CSMD1: variants seen among roughly 807,000 people sequenced by gnomAD.
The protein encoded by CSMD1 is CUB and Sushi multiple domains 1.
CSMD1 carries 213 observed loss-of-function variants against 417.5 expected under a neutral mutation model. The ratio of observed to expected loss-of-function variants is 0.51; its 90% CI spans 0.46 to 0.57. The LOEUF is 0.57. CSMD1 is among the 20% of genes least tolerant of loss of function. The pLI is 0.00. For missense variants in CSMD1, 6,923 were observed against 4,529.7 expected, an observed-to-expected ratio of 1.53 and a Z score of -15.17; for synonymous variants, 2,862 against 1,736.8, an observed-to-expected ratio of 1.65 and a Z score of -16.11.
At chr8:4,970,088 TA>T (rs1810144282) in intron 1 of CSMD1, among the ~76,000 whole-genome samples, 1 of 152,098 alleles carries the variant, frequency 6.6e-6, no homozygotes, top group African/African-American at 2.4e-5. Context: ...CAGTTTCACA[TA>T]AAAATAATAT....
At chr8:4,491,414 C>T (rs775744676) in intron 2 of CSMD1, among the ~76,000 whole-genome samples, 26 of 152,062 alleles carry the variant, frequency 1.7e-4, no homozygotes, top group Non-Finnish European at 2.5e-4. Context: ...GTTAACCTTA[C>T]GCCCTAGCTG....
intron 6 of CSMD1, among the ~76,000 whole-genome samples, chr8:3,724,355 G>A (rs541778975): frequency 6.6e-6 from 1 of 151,924 alleles, no homozygotes; most frequent in African/African-American, 2.4e-5. Flanking sequence ...TTTTTGTTTG[G>A]TCAAATATAC....
chr8:4,161,414 C>G (rs965270655), intron 3 of CSMD1, among the ~76,000 whole-genome samples: 1 of 152,170 alleles, frequency 6.6e-6, no homozygotes, highest in Non-Finnish European at 1.5e-5. Flanking sequence ...CTTGTCATTC[C>G]TCCTTAATTT....
chr8:4,183,982 C>A (rs532054932), intron 3 of CSMD1, among the ~76,000 whole-genome samples: 1 of 152,092 alleles, frequency 6.6e-6, no homozygotes, highest in Non-Finnish European at 1.5e-5. Flanking sequence ...TTCTCAGAGC[C>A]TCCGACAGTG....
intron 10 of CSMD1, among the ~76,000 whole-genome samples, chr8:3,562,020 A>C (rs1251411437): frequency 1.3e-5 from 2 of 152,086 alleles, no homozygotes; most frequent in African/African-American, 4.8e-5. Flanking sequence ...AGGAGTCCTG[A>C]CTTTACACAT....
At chr8:3,299,672 G>A (rs533872744) in intron 25 of CSMD1, among the ~76,000 whole-genome samples, 35 of 152,290 alleles carry the variant, frequency 2.3e-4, no homozygotes, top group Non-Finnish European at 4.1e-4. Flanking sequence ...CCAGGGAAAG[G>A]AGAGAACCGG....
At chr8:3,456,249 T>C (rs1272533221) in intron 12 of CSMD1, among the ~76,000 whole-genome samples, 2 of 152,176 alleles carry the variant, frequency 1.3e-5, no homozygotes, top group East Asian at 1.9e-4. Flanking sequence ...CCCTGACCGC[T>C]TGCTCTTCAT....
At chr8:4,242,775 G>A (rs1003470355) in intron 3 of CSMD1, among the ~76,000 whole-genome samples, 1 of 152,152 alleles carries the variant, frequency 6.6e-6, no homozygotes. Context: ...TGGAAAGATG[G>A]TAATTTATTC....
At chr8:4,702,366 G>A (rs1025543397) in intron 1 of CSMD1, among the ~76,000 whole-genome samples, 5 of 152,162 alleles carry the variant, frequency 3.3e-5, no homozygotes, top group Non-Finnish European at 2.9e-5. Context: ...CCTGCTCTCC[G>A]AAGTAGCAAT....
intron 1 of CSMD1, among the ~76,000 whole-genome samples, chr8:4,905,600 A>G (rs548287501): frequency 6.6e-6 from 1 of 152,020 alleles, no homozygotes; most frequent in Non-Finnish European, 1.5e-5. Flanking sequence ...TGGGCCCATC[A>G]CGAGGTCATG....
chr8:3,565,769 C>T (rs1304540676), intron 10 of CSMD1, among the ~76,000 whole-genome samples: 1 of 152,064 alleles, frequency 6.6e-6, no homozygotes, highest in South Asian at 2.1e-4. Flanking sequence ...TGTAAAAACA[C>T]AAATTGCTGT....
intron 3 of CSMD1, among the ~76,000 whole-genome samples, chr8:4,259,430 C>T (rs575353958): frequency 6.6e-6 from 1 of 152,176 alleles, no homozygotes; most frequent in Admixed American, 6.5e-5. Context: ...TATACCAGGA[C>T]CCATCCCAGC....
intron 3 of CSMD1, among the ~76,000 whole-genome samples, chr8:4,091,052 G>A (rs1800693563): frequency 6.6e-6 from 1 of 151,768 alleles, no homozygotes; most frequent in South Asian, 2.1e-4. Context: ...ACAAGTATCT[G>A]GGTCTACAGG....
At chr8:4,618,549 T>C (rs1801605580) in intron 2 of CSMD1, among the ~76,000 whole-genome samples, 2 of 151,848 alleles carry the variant, frequency 1.3e-5, no homozygotes, top group African/African-American at 4.8e-5. Flanking sequence ...TTCTTGATTC[T>C]TCTTATCGCC....
intron 2 of CSMD1, among the ~76,000 whole-genome samples, chr8:4,426,190 T>A: frequency 6.6e-6 from 1 of 151,962 alleles, no homozygotes; most frequent in Admixed American, 6.6e-5. Context: ...TAGACTGGAA[T>A]CTGTGAATTA....
At position 3,575,036 on chromosome 8, in the gene CSMD1, G is replaced by A; in HGVS notation, c.1253C>T (p.Pro418Leu). 6.2e-7 allele frequency: 1 copy of A among 1,613,436 alleles called. No homozygotes were observed. Among genetic ancestry groups the A allele is most frequent in the Non-Finnish European group, 8.5e-7 (1 of 1,179,736 alleles). The change falls in exon 10 of 70, where the codon CCC becomes CTC. Residue 418 changes from proline to leucine, a missense_variant. By Grantham distance (98) the Pro-to-Leu change is moderately conservative. Coordinates refer to ENST00000635120, the MANE Select transcript of CSMD1 (RefSeq NM_033225.6). Reference protein sequence around the residue: ...ARTCGSNLRGPSGVITSPNYP... With the variant: ...ARTCGSNLRGLSGVITSPNYP... Reference sequence around the variant, plus strand: ...ATTAGGGGAGGTAATGACGCCGCTGGGCCCACGCAGATTGGATCCACATGT... The same window carrying A: ...ATTAGGGGAGGTAATGACGCCGCTGAGCCCACGCAGATTGGATCCACATGT...
chr8:3,610,930 T>G (rs1028364785), intron 8 of CSMD1, among the ~76,000 whole-genome samples: 2 of 151,906 alleles, frequency 1.3e-5, no homozygotes, highest in African/African-American at 4.8e-5. Context: ...GATGGCGATT[T>G]CGCACCAGTC....
At chr8:4,441,296 G>C (rs1469341381) in intron 2 of CSMD1, among the ~76,000 whole-genome samples, 3 of 130,492 alleles carry the variant, frequency 2.3e-5, no homozygotes, top group Non-Finnish European at 3.2e-5. Flanking sequence ...GGGGGGAGTA[G>C]AGAGGGAGGT....
chr8:3,237,727 C>CAAATATAATTTTTATAATTATACTAT (rs1799240760), intron 26 of CSMD1, among the ~76,000 whole-genome samples: 2 of 29,768 alleles, frequency 6.7e-5, no homozygotes, highest in Admixed American at 4.2e-4. Flanking sequence ...ACTTATACTA[C>CAAATATAATTTTTATAATTATACTAT]AAATATAATT....
Sources: gnomAD v4.1 joint callset for allele counts (sites outside exome capture counted in the v4.1 genomes callset) on GRCh38, gnomAD v4.1.1 for gene constraint, MANE v1.5 for transcripts, NCBI Gene and HGNC (gene_info 2026-07-23, HGNC 2026-07-21) for gene names.